Variants in PLCL2 observed in about 807,000 individuals in gnomAD.
PLCL2 encodes the protein inactive phospholipase C-like protein 2.
Under a neutral mutation model 79.6 loss-of-function variants are expected in PLCL2, and 4 were observed. The observed-to-expected ratio is 0.05, with a 90% CI of 0.02 to 0.11. The LOEUF is 0.11. Ranked by LOEUF, PLCL2 falls within the 10% of genes least tolerant of loss-of-function variation. The pLI is 1.00. For synonymous variants in PLCL2, 484 were observed against 457.7 expected (o/e 1.06, Z -0.73); for missense variants, 895 against 1,291.0 (o/e 0.69, Z 4.70).
intron 2 of PLCL2, among the ~76,000 whole-genome samples, chr3:17,014,119 G>A (rs1420200911): frequency 6.6e-6 from 1 of 152,082 alleles, no homozygotes; most frequent in Non-Finnish European, 1.5e-5. Flanking sequence ...AGAGAGAGAG[G>A]CATTGGGATC....
intron 1 of PLCL2, among the ~76,000 whole-genome samples, chr3:16,969,555 G>T (rs1007862588): frequency 1.3e-5 from 2 of 151,898 alleles, no homozygotes; most frequent in Non-Finnish European, 2.9e-5. Flanking sequence ...TCTCTGAGGG[G>T]TTTTTTGTAT....
At chr3:16,939,083 C>T (rs1411444695) in intron 1 of PLCL2, among the ~76,000 whole-genome samples, 1 of 152,158 alleles carries the variant, frequency 6.6e-6, no homozygotes, top group Non-Finnish European at 1.5e-5. Flanking sequence ...TGAAAATCAA[C>T]TAAGGCCCAT....
At chr3:16,905,760 C>T (rs1211187884) in intron 1 of PLCL2, among the ~76,000 whole-genome samples, 1 of 152,222 alleles carries the variant, frequency 6.6e-6, no homozygotes, top group South Asian at 2.1e-4. Context: ...GCAGCTCTAG[C>T]TCACTGTTTA....
intron 1 of PLCL2, among the ~76,000 whole-genome samples, chr3:16,915,086 T>C (rs1367856325): frequency 2.0e-5 from 3 of 152,186 alleles, no homozygotes; most frequent in African/African-American, 7.2e-5. Context: ...GAAATGAAGA[T>C]TTGATCTGCT....
intron 1 of PLCL2, among the ~76,000 whole-genome samples, chr3:16,936,593 T>C (rs1697544664): frequency 6.6e-6 from 1 of 152,260 alleles, no homozygotes; most frequent in African/African-American, 2.4e-5. Context: ...ACATGAATTT[T>C]TGGAAAATCT....
intron 1 of PLCL2, among the ~76,000 whole-genome samples, chr3:16,910,540 G>T (rs1042772994): frequency 6.6e-6 from 1 of 151,836 alleles, no homozygotes; most frequent in African/African-American, 2.4e-5. Flanking sequence ...TCTTCTGTTT[G>T]CTTGCAGCAT....
rs1453691440 is a variant in PLCL2 at position 17,069,753 on chromosome 3, A to G, written c.3204+1688A>G. 1.5e-4 allele frequency among the ~76,000 whole-genome samples: 23 copies of G among 152,110 alleles called. 1 individual carries two copies. The highest frequency in any genetic ancestry group is 1.5e-3 in the Admixed American group (23 of 15,276). On this transcript the variant is annotated intron_variant, in intron 5 of 5. Coordinates refer to ENST00000615277, the MANE Select transcript of PLCL2 (RefSeq NM_001144382.2). ...TCTTCCAAAGCTAGTCGCCATTTGC[A>G]TTTTTCTCACGTTAAACGTCTACTT...
chr3:17,085,011 T>C (rs1039136725), intron 5 of PLCL2, among the ~76,000 whole-genome samples: 6 of 152,200 alleles, frequency 3.9e-5, no homozygotes, highest in African/African-American at 1.4e-4. Context: ...ACAGATGATA[T>C]AATCATCTAT....
chr3:16,933,118 C>A (rs9880307), intron 1 of PLCL2: 68,661 of 154,542 alleles, frequency 0.44, 15,386 homozygotes, highest in East Asian at 0.61. Context: ...ATTGGACAGC[C>A]GGAGTATTTT....
chr3:17,067,872 T>C (rs752886039), intron 4 of PLCL2, 84 bp from the exon 5 acceptor site: 42 of 706,142 alleles, frequency 5.9e-5, no homozygotes, highest in Non-Finnish European at 9.0e-5. Flanking sequence ...TCATTTTAGC[T>C]GTACCTAGAA....
intron 1 of PLCL2, among the ~76,000 whole-genome samples, chr3:16,994,850 A>T (rs1317378423): frequency 6.6e-6 from 1 of 152,174 alleles, no homozygotes; most frequent in Non-Finnish European, 1.5e-5. Flanking sequence ...TACATCCAGC[A>T]AATAATCCCC....
rs1345976710 is a variant in PLCL2 at position 17,054,224 on chromosome 3, G to A, written c.3094+11275G>A. Among the ~76,000 whole-genome samples, 3 of 152,106 alleles carry A rather than the reference G, an allele frequency of 2.0e-5. 1 individual carries two copies. On this transcript the variant is annotated intron_variant, in intron 4 of 5. Coordinates refer to ENST00000615277, the MANE Select transcript of PLCL2 (RefSeq NM_001144382.2). ...CTAGAGCAGGGATACAGTGCAGCCAGGCTCTTTGCTAAAGCATAGCAAAAG... is the reference window on the plus strand; with the variant it reads ...CTAGAGCAGGGATACAGTGCAGCCAAGCTCTTTGCTAAAGCATAGCAAAAG...
intron 1 of PLCL2, among the ~76,000 whole-genome samples, chr3:17,005,064 A>C (rs138643425): frequency 1.3e-5 from 2 of 152,184 alleles, no homozygotes; most frequent in Non-Finnish European, 2.9e-5. Flanking sequence ...CAGGGTATTG[A>C]ATCTGGATAT....
chr3:16,979,545 C>G (rs11920333), intron 1 of PLCL2, among the ~76,000 whole-genome samples: 6,956 of 59,780 alleles, frequency 0.12, 700 homozygotes, highest in East Asian at 0.24. Context: ...GACTCTTAAC[C>G]AGCATGCTGC....
chr3:16,934,070 C>G (rs1697478982), intron 1 of PLCL2, among the ~76,000 whole-genome samples: 1 of 152,050 alleles, frequency 6.6e-6, no homozygotes, highest in African/African-American at 2.4e-5. Flanking sequence ...GTCTCAAAAA[C>G]AAACGAACAA....
intron 1 of PLCL2, among the ~76,000 whole-genome samples, chr3:16,989,908 A>G (rs1160974747): frequency 2.6e-5 from 4 of 152,174 alleles, no homozygotes; most frequent in African/African-American, 9.7e-5. Context: ...CAAGGTTTGT[A>G]GGTGCTCAGA....
At chr3:16,888,933 C>T (rs953491268) in intron 1 of PLCL2, among the ~76,000 whole-genome samples, 5 of 152,156 alleles carry the variant, frequency 3.3e-5, no homozygotes, top group Admixed American at 6.5e-5. Context: ...TTGACCAATA[C>T]ATTCAGTCAT....
chr3:16,885,518 A>G (rs1261401601), intron 1 of PLCL2, among the ~76,000 whole-genome samples, 152 bp downstream of exon 1: 4 of 152,230 alleles, frequency 2.6e-5, no homozygotes, highest in Non-Finnish European at 5.9e-5. Flanking sequence ...GATTGGATGC[A>G]AATGGCATGT....
At chr3:17,015,602 C>T (rs11926825) in intron 3 of PLCL2, among the ~76,000 whole-genome samples, 2 of 152,150 alleles carry the variant, frequency 1.3e-5, no homozygotes, top group Non-Finnish European at 2.9e-5. Context: ...GTCATTGACT[C>T]TTCAACCTAT....
Sources: allele counts gnomAD v4.1 joint callset (sites outside exome capture counted in the v4.1 genomes callset), GRCh38; gene constraint gnomAD v4.1.1; transcripts MANE v1.5; gene names NCBI Gene and HGNC (gene_info 2026-07-23, HGNC 2026-07-21).